ASAP1: variants seen among roughly 807,000 people sequenced by gnomAD.
ASAP1 encodes ArfGAP with SH3 domain, ankyrin repeat and PH domain 1, also known as arf-GAP with SH3 domain, ANK repeat and PH domain-containing protein 1.
Under a neutral mutation model 145.2 loss-of-function variants are expected in ASAP1, and 43 were observed. That is an observed-to-expected ratio of 0.30 (90% CI 0.23 to 0.38). The LOEUF is 0.38. ASAP1 is among the 10% of genes least tolerant of loss of function. The probability of loss-of-function intolerance (pLI) is 1.00; values close to 1 mark genes in which losing one functional copy is unlikely to be tolerated. For missense variants in ASAP1, 1,018 were observed against 1,355.3 expected, an observed-to-expected ratio of 0.75 and a Z score of 3.91; for synonymous variants, 546 against 515.5, an observed-to-expected ratio of 1.06 and a Z score of -0.80.
intron 1 of ASAP1, among the ~76,000 whole-genome samples, chr8:130,419,178 A>C: frequency 6.6e-6 from 1 of 152,170 alleles, no homozygotes. Flanking sequence ...AGGACTCCCC[A>C]AGGACACGGC....
Position 130,374,034 on chromosome 8 carries a change from T to TAAAAAAAAA in ASAP1, c.60-15900_60-15892dup, listed in dbSNP as rs34199624. 2.1e-5 allele frequency among the ~76,000 whole-genome samples: 2 copies of TAAAAAAAAA among 94,402 alleles called. 1 individual carries two copies. Among genetic ancestry groups the TAAAAAAAAA allele is most frequent in the Non-Finnish European group, 4.0e-5 (2 of 49,508 alleles). The allele number at this position is 94,402 out of a possible 152,430, so 61.9% of individuals were successfully genotyped here. ...GCCTTGGAGAAAGTGTAACTCCCTT[T>TAAAAAAAAA]AAAAAAAAAAAAAAAAAAAAAAGCA... On this transcript the variant is annotated intron_variant, in intron 2 of 29. Coordinates refer to ENST00000518721, the MANE Select transcript of ASAP1 (RefSeq NM_018482.4).
At chr8:130,118,725 GT>G in intron 18 of ASAP1, 50 bp from the exon 19 acceptor site, 1 of 1,267,954 alleles carries the variant, frequency 7.9e-7, no homozygotes, top group Non-Finnish European at 1.0e-6. Flanking sequence ...GCTAGGAAAG[GT>G]TTACATTTTT....
intron 3 of ASAP1, among the ~76,000 whole-genome samples, chr8:130,300,781 G>C (rs533552941): frequency 1.8e-4 from 28 of 152,318 alleles, no homozygotes; most frequent in African/African-American, 6.7e-4. Flanking sequence ...TGAAAGCCCA[G>C]CACTGGGCTG....
rs540900735 is a variant in ASAP1 at position 130,114,914 on chromosome 8, C to T, written c.2172+714G>A. 3.2e-4 allele frequency among the ~76,000 whole-genome samples: 48 copies of T among 151,980 alleles called. 1 individual carries two copies. The highest frequency in any genetic ancestry group is 6.2e-4 in the South Asian group (3 of 4,818). On this transcript the variant is annotated intron_variant, in intron 23 of 29. Transcript: ENST00000518721. The stretch of plus-strand genomic sequence containing the variant: ...CTCAGCTTGTCAAATAGCACCACCA[C>T]GTTTTATTGATTGATCCATTTACTT...
At chr8:130,332,142 T>C (rs186805862) in intron 3 of ASAP1, among the ~76,000 whole-genome samples, 2 of 152,332 alleles carry the variant, frequency 1.3e-5, no homozygotes, top group Admixed American at 6.5e-5. Flanking sequence ...CATCTGAAAT[T>C]TTCCATTCAA....
intron 23 of ASAP1, among the ~76,000 whole-genome samples, chr8:130,113,409 T>C (rs2097549756): frequency 6.6e-6 from 1 of 152,192 alleles, no homozygotes; most frequent in Admixed American, 6.5e-5. Context: ...TCCAATGTCC[T>C]TGAGAAGGCA....
chr8:130,194,289 C>T (rs1043562713), intron 5 of ASAP1, among the ~76,000 whole-genome samples: 1 of 151,878 alleles, frequency 6.6e-6, no homozygotes, highest in Non-Finnish European at 1.5e-5. Flanking sequence ...ATAGTAATTA[C>T]CTTTGTCATT....
At chr8:130,154,239 CA>C (rs2097653452) in intron 12 of ASAP1, among the ~76,000 whole-genome samples, 1 of 151,856 alleles carries the variant, frequency 6.6e-6, no homozygotes, top group Admixed American at 6.6e-5. Flanking sequence ...TCATGATTCA[CA>C]AAGGGAAGTA....
intron 2 of ASAP1, among the ~76,000 whole-genome samples, chr8:130,378,463 A>G (rs1050942045): frequency 6.6e-6 from 1 of 152,224 alleles, no homozygotes; most frequent in African/African-American, 2.4e-5. Context: ...GCACGAGTAC[A>G]GCAGGTGCAA....
intron 3 of ASAP1, among the ~76,000 whole-genome samples, chr8:130,245,326 T>C (rs1447979461): frequency 6.6e-6 from 1 of 152,146 alleles, no homozygotes; most frequent in Non-Finnish European, 1.5e-5. Context: ...CTTATAAAGA[T>C]TTCTGTCAGA....
intron 27 of ASAP1, among the ~76,000 whole-genome samples, chr8:130,069,260 G>C (rs2097436817): frequency 6.6e-6 from 1 of 152,140 alleles, no homozygotes; most frequent in Admixed American, 6.5e-5. Context: ...TTTTGAGGCA[G>C]GGTCTTGCTC....
intron 23 of ASAP1, 162 bp downstream of exon 23, chr8:130,115,466 G>A (rs2097553818): frequency 3.2e-6 from 2 of 624,080 alleles, no homozygotes; most frequent in Admixed American, 3.0e-5. Flanking sequence ...CCTTAATATA[G>A]CTGTTAAATG....
intron 18 of ASAP1, among the ~76,000 whole-genome samples, chr8:130,122,677 T>C (rs2097568454): frequency 6.6e-6 from 1 of 152,240 alleles, no homozygotes; most frequent in Admixed American, 6.5e-5. Flanking sequence ...AGCTATGATA[T>C]GAACTCCAGC....
At chr8:130,261,393 T>C (rs552288725) in intron 3 of ASAP1, among the ~76,000 whole-genome samples, 5 of 152,312 alleles carry the variant, frequency 3.3e-5, no homozygotes, top group African/African-American at 1.2e-4. Flanking sequence ...TTGCACCTAA[T>C]GTGATGACTT....
At chr8:130,412,581 G>A (rs899963523) in intron 1 of ASAP1, among the ~76,000 whole-genome samples, 9 of 151,836 alleles carry the variant, frequency 5.9e-5, no homozygotes, top group East Asian at 5.8e-4. Context: ...CCCAGTCTCC[G>A]ATATTTCTTT....
chr8:130,380,312 T>TG (rs1827707835), intron 2 of ASAP1, among the ~76,000 whole-genome samples: 1 of 152,214 alleles, frequency 6.6e-6, no homozygotes, highest in Non-Finnish European at 1.5e-5. Context: ...AGCAGGATGA[T>TG]GGAGTGTGTA....
intron 3 of ASAP1, among the ~76,000 whole-genome samples, chr8:130,242,262 A>T (rs1484538441): frequency 2.5e-4 from 3 of 11,804 alleles, no homozygotes; most frequent in Non-Finnish European, 5.2e-4. Context: ...TGATTTCCTT[A>T]AAAAAAAAAA....
chr8:130,129,869 G>C (rs1224906339), intron 15 of ASAP1, among the ~76,000 whole-genome samples: 1 of 152,040 alleles, frequency 6.6e-6, no homozygotes, highest in African/African-American at 2.4e-5. Flanking sequence ...AGAAGGAATG[G>C]GGGGATTTTA....
At chr8:130,107,537 T>C (rs1452970988) in intron 24 of ASAP1, among the ~76,000 whole-genome samples, 4 of 144,210 alleles carry the variant, frequency 2.8e-5, no homozygotes, top group Non-Finnish European at 4.5e-5. Flanking sequence ...TATGTATGTA[T>C]GTATGTATGT....
Sources: gnomAD v4.1 joint callset for allele counts (sites outside exome capture counted in the v4.1 genomes callset) on GRCh38, gnomAD v4.1.1 for gene constraint, MANE v1.5 for transcripts, NCBI Gene and HGNC (gene_info 2026-07-23, HGNC 2026-07-21) for gene names.